LYPD6B: variants seen among roughly 807,000 people sequenced by gnomAD.
LYPD6B encodes ly6/PLAUR domain-containing protein 6B.
Under a neutral mutation model 22.8 loss-of-function variants are expected in LYPD6B, and 17 were observed. The observed-to-expected ratio is 0.75, with a 90% confidence interval of 0.51 to 1.12. LYPD6B has a LOEUF of 1.12. Among genes scored for constraint, LYPD6B ranks in the 50% most tolerant of loss-of-function variants. The probability of loss-of-function intolerance (pLI) is 0.00; values close to 1 mark genes in which losing one functional copy is unlikely to be tolerated. For missense variants in LYPD6B, 221 were observed against 258.3 expected, an observed-to-expected ratio of 0.86 and a Z score of 0.99; for synonymous variants, 106 against 91.6, an observed-to-expected ratio of 1.16 and a Z score of -0.90.
chr2:149,130,518 A>T (rs1687960648), intron 1 of LYPD6B, among the ~76,000 whole-genome samples: 1 of 152,296 alleles, frequency 6.6e-6, no homozygotes, highest in African/African-American at 2.4e-5. Context: ...ACAACCAAAA[A>T]CTTCTGCATC....
chr2:149,098,643 A>AAAAAAGAAAG (rs1686030178), intron 1 of LYPD6B, among the ~76,000 whole-genome samples: 2 of 130,992 alleles, frequency 1.5e-5, no homozygotes, highest in Non-Finnish European at 3.1e-5. Context: ...AAAAAAAAAA[A>AAAAAAGAAAG]AAAAAAGAAA....
chr2:149,156,238 G>T (rs1331203488), intron 2 of LYPD6B, among the ~76,000 whole-genome samples: 1 of 152,168 alleles, frequency 6.6e-6, no homozygotes, highest in African/African-American at 2.4e-5. Context: ...TCAGAGTCGG[G>T]ATCTTCAGGA....
intron 1 of LYPD6B, among the ~76,000 whole-genome samples, chr2:149,130,658 C>A (rs1687970748): frequency 6.6e-6 from 1 of 152,114 alleles, no homozygotes; most frequent in African/African-American, 2.4e-5. Flanking sequence ...AAATGTGTAT[C>A]CATTCCATCT....
At chr2:149,098,040 A>C (rs908982275) in intron 1 of LYPD6B, among the ~76,000 whole-genome samples, 6 of 152,164 alleles carry the variant, frequency 3.9e-5, no homozygotes, top group African/African-American at 1.4e-4. Flanking sequence ...CTTGCAAATA[A>C]AAATTGTGAA....
chr2:149,209,529 CT>C (rs1323504494), intron 5 of LYPD6B, among the ~76,000 whole-genome samples: 4 of 152,194 alleles, frequency 2.6e-5, no homozygotes, highest in African/African-American at 9.6e-5. Context: ...AAAAAAAACT[CT>C]TACAGAATTA....
At chr2:149,049,844 G>A (rs190955983) in intron 1 of LYPD6B, among the ~76,000 whole-genome samples, 2 of 152,252 alleles carry the variant, frequency 1.3e-5, no homozygotes, top group African/African-American at 4.8e-5. Context: ...TGGAGTGTAA[G>A]GTATTTGGGG....
intron 1 of LYPD6B, among the ~76,000 whole-genome samples, chr2:149,070,799 G>A (rs1684569243): frequency 6.6e-6 from 1 of 152,152 alleles, no homozygotes; most frequent in Non-Finnish European, 1.5e-5. Context: ...GTGTATAGAG[G>A]CATGTTCTGT....
At chr2:149,062,654 C>T (rs1271047078) in intron 1 of LYPD6B, among the ~76,000 whole-genome samples, 1 of 151,830 alleles carries the variant, frequency 6.6e-6, no homozygotes, top group Non-Finnish European at 1.5e-5. Context: ...ATAACCACGA[C>T]AAGAATAGAC....
At chr2:149,208,561 A>T in intron 5 of LYPD6B, 149 bp downstream of exon 5, 1 of 615,556 alleles carries the variant, frequency 1.6e-6, no homozygotes, top group Non-Finnish European at 2.8e-6. Flanking sequence ...ACTGGTGTCA[A>T]AGACTCTAAC....
At chr2:149,114,059 G>A (rs1445162915) in intron 1 of LYPD6B, among the ~76,000 whole-genome samples, 1 of 152,124 alleles carries the variant, frequency 6.6e-6, no homozygotes, top group African/African-American at 2.4e-5. Flanking sequence ...AAAGCAAAGG[G>A]AAGGGAATCT....
At chr2:149,094,196 A>G (rs1685798969) in intron 1 of LYPD6B, among the ~76,000 whole-genome samples, 1 of 152,248 alleles carries the variant, frequency 6.6e-6, no homozygotes, top group Non-Finnish European at 1.5e-5. Flanking sequence ...AATAGTTTAT[A>G]GAGTAAAACT....
At chr2:149,087,020 A>T (rs999439781) in intron 1 of LYPD6B, among the ~76,000 whole-genome samples, 5 of 150,118 alleles carry the variant, frequency 3.3e-5, no homozygotes, top group African/African-American at 1.3e-4. Context: ...TTTTTTTTTA[A>T]AAAAACCCTA....
chr2:149,099,128 A>G (rs905051297), intron 1 of LYPD6B, among the ~76,000 whole-genome samples: 2 of 152,200 alleles, frequency 1.3e-5, no homozygotes, highest in Admixed American at 6.5e-5. Context: ...AAATCTCTTC[A>G]GAGAGGGACA....
chr2:149,111,053 G>A (rs1299435840), intron 1 of LYPD6B, among the ~76,000 whole-genome samples: 2 of 152,182 alleles, frequency 1.3e-5, no homozygotes, highest in Admixed American at 6.5e-5. Context: ...TAGGAGGAGA[G>A]CATGGTCTTA....
At chr2:149,208,212 GT>G in intron 4 of LYPD6B, 101 bp from the exon 5 acceptor site, 1 of 746,218 alleles carries the variant, frequency 1.3e-6, no homozygotes. Context: ...AAGCTTATAA[GT>G]TTTGTTTCAT....
At chr2:149,148,785 G>C (rs973634330) in intron 2 of LYPD6B, among the ~76,000 whole-genome samples, 8 of 152,204 alleles carry the variant, frequency 5.3e-5, no homozygotes, top group Admixed American at 5.2e-4. Context: ...GCTGAGGAAG[G>C]CTGGATGCAA....
chr2:149,061,583 C>T (rs1388945039), intron 1 of LYPD6B, among the ~76,000 whole-genome samples: 1 of 152,064 alleles, frequency 6.6e-6, no homozygotes, highest in Non-Finnish European at 1.5e-5. Context: ...TATTGGTGTG[C>T]AACTCTACCT....
chr2:149,209,107 G>A (rs375758694), intron 5 of LYPD6B, among the ~76,000 whole-genome samples: 2 of 152,172 alleles, frequency 1.3e-5, no homozygotes, highest in East Asian at 1.9e-4. Flanking sequence ...GGAAGGATCC[G>A]AGAGGGAAGC....
intron 2 of LYPD6B, among the ~76,000 whole-genome samples, chr2:149,148,157 G>A (rs1018632180): frequency 2.6e-5 from 4 of 152,134 alleles, no homozygotes; most frequent in African/African-American, 9.7e-5. Flanking sequence ...TCTGAATTGA[G>A]CAGCTGCATG....
Sources: gnomAD v4.1 joint callset for allele counts (sites outside exome capture counted in the v4.1 genomes callset) on GRCh38, gnomAD v4.1.1 for gene constraint, MANE v1.5 for transcripts, NCBI Gene and HGNC (gene_info 2026-07-23, HGNC 2026-07-21) for gene names.